Variants in TINAG observed in about 807,000 individuals in gnomAD.
TINAG encodes the protein tubulointerstitial nephritis antigen.
Under a neutral mutation model 72.7 loss-of-function variants are expected in TINAG, and 83 were observed. That is an observed-to-expected ratio of 1.14 (90% CI 0.96 to 1.37). The LOEUF is 1.37. Among genes scored for constraint, TINAG ranks in the 40% most tolerant of loss-of-function variants. The pLI is 0.00. For missense variants in TINAG, 685 were observed against 576.6 expected, an observed-to-expected ratio of 1.19 and a Z score of -1.93; for synonymous variants, 234 against 189.9, an observed-to-expected ratio of 1.23 and a Z score of -1.91.
intron 9 of TINAG, among the ~76,000 whole-genome samples, chr6:54,361,075 A>G (rs1008567790): frequency 2.7e-5 from 4 of 150,430 alleles, no homozygotes; most frequent in African/African-American, 9.7e-5. Flanking sequence ...GGTGCCGCAA[A>G]CAGCACCCAT....
chr6:54,383,178 C>T (rs1348570655), intron 10 of TINAG, among the ~76,000 whole-genome samples: 3 of 151,954 alleles, frequency 2.0e-5, no homozygotes, highest in Non-Finnish European at 4.4e-5. Flanking sequence ...TCAAGGTATG[C>T]GAAGAGTAGA....
chr6:54,331,684 T>C (rs1784745815), intron 4 of TINAG, among the ~76,000 whole-genome samples: 2 of 152,214 alleles, frequency 1.3e-5, no homozygotes, highest in African/African-American at 4.8e-5. Context: ...TGTTTGCAGA[T>C]GACATGATTG....
chr6:54,347,287 G>T (rs929101416), intron 5 of TINAG, 80 bp from the exon 6 acceptor site: 3 of 1,443,998 alleles, frequency 2.1e-6, no homozygotes, highest in African/African-American at 1.4e-5. Flanking sequence ...CTACGTTAGG[G>T]TTCAAACAAA....
At chr6:54,387,947 T>C (rs2150986988) in intron 10 of TINAG, among the ~76,000 whole-genome samples, 1 of 152,296 alleles carries the variant, frequency 6.6e-6, no homozygotes, top group East Asian at 1.9e-4. Context: ...TTTATAATTA[T>C]GTGGCCTTTC....
In TINAG at chr6:54,342,062, G is replaced by GGTGT. The variant is rs142069767; in HGVS notation, c.625-1146_625-1143dup. On this transcript the variant is annotated intron_variant, in intron 4 of 10. Coordinates refer to ENST00000259782, the MANE Select transcript of TINAG (RefSeq NM_014464.4). ...TGAAAGAATGCTCAGAAATGATTGG[G>GGTGT]GTGTGTGTGTGTGTGTGTGTGAGAA... is the stretch of plus-strand genomic sequence containing the variant. Among the ~76,000 whole-genome samples the GGTGT allele has an allele frequency of 6.2e-3, 910 of 147,672 alleles. 2 individuals are homozygous for GGTGT. Among genetic ancestry groups the GGTGT allele is most frequent in the Middle Eastern group, 7.0e-3 (2 of 284 alleles).
intron 1 of TINAG, among the ~76,000 whole-genome samples, chr6:54,315,883 A>G (rs1193613030): frequency 6.6e-6 from 1 of 152,150 alleles, no homozygotes; most frequent in Non-Finnish European, 1.5e-5. Flanking sequence ...AATGTATGTG[A>G]GTCACTGACA....
intron 9 of TINAG, among the ~76,000 whole-genome samples, chr6:54,371,987 T>TTTTTTTTGTTTTTTTTTTTG (rs1763628165): frequency 8.8e-6 from 1 of 113,320 alleles, no homozygotes; most frequent in African/African-American, 4.3e-5. Flanking sequence ...TCATGTTTTT[T>TTTTTTTTGTTTTTTTTTTTG]TTTTTTTTTT....
intron 9 of TINAG, among the ~76,000 whole-genome samples, chr6:54,371,981 GTTTTTTTTTTTTT>G (rs576340253): frequency 5.6e-5 from 4 of 71,432 alleles, no homozygotes; most frequent in African/African-American, 1.0e-4. Context: ...TTCAAGTCAT[GTTTTTTTTTTTTT>G]TTTTTTTTTT....
At chr6:54,326,000 A>T (rs970541260) in intron 3 of TINAG, among the ~76,000 whole-genome samples, 2 of 152,162 alleles carry the variant, frequency 1.3e-5, no homozygotes, top group African/African-American at 4.8e-5. Context: ...ATTTGATGTG[A>T]GTACTGAAAA....
chr6:54,338,311 G>A (rs1050908386), intron 4 of TINAG, among the ~76,000 whole-genome samples: 1 of 152,120 alleles, frequency 6.6e-6, no homozygotes, highest in Non-Finnish European at 1.5e-5. Context: ...CTATGAAGAA[G>A]TATTTTAGGC....
intron 4 of TINAG, among the ~76,000 whole-genome samples, chr6:54,339,146 T>C (rs1361255991): frequency 1.3e-5 from 2 of 152,326 alleles, no homozygotes; most frequent in Middle Eastern, 3.4e-3. Context: ...GCAACTTTAA[T>C]GGCAATTGTG....
At chr6:54,352,762 T>A (rs1785296911) in intron 8 of TINAG, among the ~76,000 whole-genome samples, 1 of 151,642 alleles carries the variant, frequency 6.6e-6, no homozygotes, top group Admixed American at 6.6e-5. Flanking sequence ...TCTTTTTAAA[T>A]CAATCAAACA....
At chr6:54,359,006 G>C (rs924256827) in intron 9 of TINAG, among the ~76,000 whole-genome samples, 3 of 151,796 alleles carry the variant, frequency 2.0e-5, no homozygotes, top group African/African-American at 7.2e-5. Flanking sequence ...TTTGGTGAAT[G>C]CCGTCTCAGC....
At chr6:54,314,606 G>A (rs16885212) in intron 1 of TINAG, among the ~76,000 whole-genome samples, 7,120 of 152,036 alleles carry the variant, frequency 0.047, 307 homozygotes, top group East Asian at 0.11. Flanking sequence ...TTAAGAATGC[G>A]GAATCACCTA....
At chr6:54,386,799 T>C (rs1764111538) in intron 10 of TINAG, among the ~76,000 whole-genome samples, 1 of 151,836 alleles carries the variant, frequency 6.6e-6, no homozygotes, top group East Asian at 1.9e-4. Context: ...GACCATGTAA[T>C]TGCAAAATAA....
At chr6:54,377,411 C>T (rs1582758658) in intron 9 of TINAG, among the ~76,000 whole-genome samples, 1 of 152,202 alleles carries the variant, frequency 6.6e-6, no homozygotes, top group East Asian at 1.9e-4. Flanking sequence ...ACTCGGGAAG[C>T]TGAGGCAGGA....
intron 1 of TINAG, among the ~76,000 whole-genome samples, chr6:54,315,917 T>G (rs1784362942): frequency 6.6e-6 from 1 of 152,136 alleles, no homozygotes; most frequent in Non-Finnish European, 1.5e-5. Context: ...AGAGGGTTAT[T>G]TACTTCTTCA....
At chr6:54,366,274 G>T (rs1481164960) in intron 9 of TINAG, among the ~76,000 whole-genome samples, 2 of 151,482 alleles carry the variant, frequency 1.3e-5, no homozygotes, top group Admixed American at 6.6e-5. Context: ...GTGTGTGTGT[G>T]TGTGAAAAGG....
At chr6:54,350,078 T>C (rs1785227576) in intron 7 of TINAG, among the ~76,000 whole-genome samples, 182 bp downstream of exon 7, 1 of 152,034 alleles carries the variant, frequency 6.6e-6, no homozygotes, top group South Asian at 2.1e-4. Flanking sequence ...CTTATCTTTG[T>C]AACATTAGCA....
Sources: gnomAD v4.1 joint callset for allele counts (sites outside exome capture counted in the v4.1 genomes callset) on GRCh38, gnomAD v4.1.1 for gene constraint, MANE v1.5 for transcripts, NCBI Gene and HGNC (gene_info 2026-07-23, HGNC 2026-07-21) for gene names.